AGAP1: variants seen among roughly 807,000 people sequenced by gnomAD.
The protein encoded by AGAP1 is ArfGAP with GTPase domain, ankyrin repeat and PH domain 1.
In AGAP1, 29 loss-of-function variants were observed where a neutral mutation model predicts 105.3. The ratio of observed to expected loss-of-function variants is 0.28; its 90% confidence interval spans 0.21 to 0.38. AGAP1 has a LOEUF of 0.38. Among genes scored for constraint, AGAP1 ranks in the 10% least tolerant of loss-of-function variants. The probability of loss-of-function intolerance (pLI) is 1.00; values close to 1 mark genes in which losing one functional copy is unlikely to be tolerated. For synonymous variants in AGAP1, 509 were observed against 485.9 expected, an observed-to-expected ratio of 1.05 and a Z score of -0.63; for missense variants, 998 against 1,165.1, an observed-to-expected ratio of 0.86 and a Z score of 2.09.
intron 15 of AGAP1, among the ~76,000 whole-genome samples, chr2:236,048,224 A>C (rs776113353): frequency 1.3e-5 from 2 of 152,238 alleles, no homozygotes; most frequent in African/African-American, 2.4e-5. Flanking sequence ...TCTAGCGTGA[A>C]GTCAACCCGG....
chr2:235,618,033 T>C (rs1326891586), intron 1 of AGAP1, among the ~76,000 whole-genome samples: 1 of 152,066 alleles, frequency 6.6e-6, no homozygotes, highest in Non-Finnish European at 1.5e-5. Flanking sequence ...AGGATGCAAC[T>C]TGTGTAACTG....
At chr2:235,627,424 C>T (rs543173632) in intron 1 of AGAP1, among the ~76,000 whole-genome samples, 3 of 152,100 alleles carry the variant, frequency 2.0e-5, no homozygotes, top group Non-Finnish European at 2.9e-5. Context: ...AGGATTTCGT[C>T]ATGTTGGCCC....
intron 6 of AGAP1, among the ~76,000 whole-genome samples, chr2:235,755,439 C>T (rs1388899563): frequency 4.6e-5 from 7 of 152,086 alleles, no homozygotes; most frequent in Admixed American, 6.5e-5. Context: ...CCTACGATCC[C>T]TCCCCTTCCC....
At position 236,120,533 on chromosome 2, in the gene AGAP1, G is replaced by A; in HGVS notation, c.2370+86G>A. ...TGCTTCCGTGGGCATCTTTCTGGCA[G>A]AAGGCTGTTGTTCTCGATCTGCAAG... On this transcript the variant is annotated intron_variant, in intron 17 of 17. Coordinates refer to ENST00000304032, the MANE Select transcript of AGAP1 (RefSeq NM_001037131.3). The surrounding 1 kb of genome is among the most constrained non-coding windows in gnomAD (Gnocchi z 6.0). The A allele has an allele frequency of 6.4e-7, 1 of 1,571,516 alleles. No homozygotes were observed. The highest frequency in any genetic ancestry group is 8.6e-7 in the Non-Finnish European group (1 of 1,161,362).
intron 11 of AGAP1, among the ~76,000 whole-genome samples, chr2:235,926,148 A>T (rs907874751): frequency 6.6e-6 from 1 of 152,256 alleles, no homozygotes. Context: ...AGTTAATGAC[A>T]TTCATTCAAG....
intron 1 of AGAP1, among the ~76,000 whole-genome samples, chr2:235,699,139 C>G (rs891840296): frequency 6.7e-6 from 1 of 149,840 alleles, no homozygotes; most frequent in African/African-American, 2.4e-5. Flanking sequence ...ACTGGTCGGG[C>G]AGGACGTCCC....
chr2:235,937,998 G>A (rs4390722), intron 12 of AGAP1, among the ~76,000 whole-genome samples: 72,721 of 152,220 alleles, frequency 0.48, 17,580 homozygotes, highest in South Asian at 0.61. Flanking sequence ...AAGGAAAGCC[G>A]GTTTCTGGTT....
chr2:235,670,165 G>A (rs1232019258), intron 1 of AGAP1: 2 of 582,862 alleles, frequency 3.4e-6, no homozygotes, highest in Non-Finnish European at 6.3e-6. Context: ...CGCGCGGGAC[G>A]CCCCCCAGAA....
chr2:235,886,612 G>A (rs549664429), intron 10 of AGAP1, among the ~76,000 whole-genome samples: 9 of 152,288 alleles, frequency 5.9e-5, no homozygotes, highest in Non-Finnish European at 1.2e-4. Context: ...GGGGCGCAAT[G>A]GGGCTTTGTT....
In AGAP1 at chr2:235,953,633, T is replaced by A. The variant is rs1242518964; in HGVS notation, c.1484-14829T>A. Among the ~76,000 whole-genome samples the A allele has an allele frequency of 6.6e-6, 1 of 152,212 alleles. No homozygotes were observed. Among genetic ancestry groups the A allele is most frequent in the Non-Finnish European group, 1.5e-5 (1 of 68,042 alleles). ...CACCTATTTTGTGCATGGTGCTTGC[T>A]GGCCACTGAGCATCTGTAAAGAAAA... On this transcript the variant is annotated intron_variant, in intron 12 of 17. Coordinates refer to ENST00000304032, the MANE Select transcript of AGAP1 (RefSeq NM_001037131.3). The surrounding 1 kb of genome is among the most constrained non-coding windows in gnomAD (Gnocchi z 5.2).
chr2:235,544,580 G>A (rs1035616667), intron 1 of AGAP1, among the ~76,000 whole-genome samples: 1 of 152,192 alleles, frequency 6.6e-6, no homozygotes, highest in Non-Finnish European at 1.5e-5. Context: ...TATTATGCAC[G>A]AAGTCATCCA....
intron 12 of AGAP1, among the ~76,000 whole-genome samples, chr2:235,949,976 G>A (rs968310000): frequency 4.6e-5 from 7 of 152,204 alleles, no homozygotes; most frequent in African/African-American, 1.7e-4. Context: ...TTCCTTTTCT[G>A]TAGCCAGCGC....
intron 6 of AGAP1, among the ~76,000 whole-genome samples, chr2:235,765,635 T>A (rs1340397635): frequency 6.6e-6 from 1 of 152,202 alleles, no homozygotes; most frequent in Non-Finnish European, 1.5e-5. Flanking sequence ...GGCAGCACTT[T>A]GCCTTGTACG....
At position 235,973,852 on chromosome 2, in the gene AGAP1, C is replaced by G. The variant is rs2054753551; in HGVS notation, c.1645+5229C>G. 6.6e-6 allele frequency among the ~76,000 whole-genome samples: 1 copy of G among 152,142 alleles called. No individual in the cohort carries two copies. The highest frequency in any genetic ancestry group is 2.4e-5 in the African/African-American group (1 of 41,426). The stretch of plus-strand genomic sequence containing the variant: ...CTCTAGAAGGTGATTGCACCACGGC[C>G]CTGGATTCCCAACCAGGTCCAAGTT... On this transcript the variant is annotated intron_variant, in intron 13 of 17. Transcript: ENST00000304032. This position sits in a 1 kb window ranked among gnomAD's most constrained non-coding sequence, Gnocchi z 4.7.
intron 12 of AGAP1, among the ~76,000 whole-genome samples, chr2:235,933,658 G>A (rs910145136): frequency 5.3e-5 from 8 of 151,232 alleles, no homozygotes; most frequent in Non-Finnish European, 1.2e-4. Flanking sequence ...TCAGGCTCCC[G>A]AGTAGCTGGG....
intron 1 of AGAP1, among the ~76,000 whole-genome samples, chr2:235,651,281 C>T (rs1469325092): frequency 6.8e-6 from 1 of 147,130 alleles, no homozygotes; most frequent in Non-Finnish European, 1.5e-5. Context: ...GGGAACGACT[C>T]AATGGATGAT....
intron 4 of AGAP1, among the ~76,000 whole-genome samples, chr2:235,742,263 G>A (rs1952636500): frequency 6.6e-6 from 1 of 152,144 alleles, no homozygotes; most frequent in African/African-American, 2.4e-5. Context: ...AGGGCTGTGC[G>A]GTTATACAGA....
In AGAP1 at chr2:236,056,633, G is replaced by C. The variant is rs2058058994; in HGVS notation, c.2114+7352G>C. ...AGTCAAGCATTTTCCAAAGGGCCCT[G>C]TCTTTCAGTCGTGTTTTGCTTATTT... is the stretch of plus-strand genomic sequence containing the variant. On this transcript the variant is annotated intron_variant, in intron 16 of 17. Transcript: ENST00000304032. The surrounding 1 kb of genome is among the most constrained non-coding windows in gnomAD (Gnocchi z 4.6). 6.6e-6 allele frequency among the ~76,000 whole-genome samples: 1 copy of C among 152,190 alleles called. No homozygotes were observed. Among genetic ancestry groups the C allele is most frequent in the African/African-American group, 2.4e-5 (1 of 41,446 alleles).
chr2:235,854,196 A>G (rs1013623538), intron 9 of AGAP1, among the ~76,000 whole-genome samples: 1 of 152,114 alleles, frequency 6.6e-6, no homozygotes, highest in Admixed American at 6.5e-5. Flanking sequence ...AGCAAACCCA[A>G]TTTGAAAACC....
Sources: allele counts gnomAD v4.1 joint callset (sites outside exome capture counted in the v4.1 genomes callset), GRCh38; gene constraint gnomAD v4.1.1; non-coding constraint Gnocchi (gnomAD v3.1); transcripts MANE v1.5; gene names NCBI Gene and HGNC (gene_info 2026-07-23, HGNC 2026-07-21).